Variants in GRAMD1B observed in about 807,000 individuals in gnomAD.
GRAMD1B encodes the protein GRAM domain containing 1B.
In GRAMD1B, 37 loss-of-function variants were observed where a neutral mutation model predicts 99.7. That is an observed-to-expected ratio of 0.37 (90% CI 0.29 to 0.49). GRAMD1B has a LOEUF of 0.49. GRAMD1B is among the 20% of genes least tolerant of loss of function. The pLI is 0.98. For synonymous variants in GRAMD1B, 427 were observed against 387.6 expected (o/e 1.10, Z -1.19); for missense variants, 888 against 1,009.2 (o/e 0.88, Z 1.63).
chr11:123,582,175 A>G lies in GRAMD1B; in HGVS notation c.664-2137A>G, dbSNP rs141079573. Reference sequence around the variant, plus strand: ...CCTACTGCTGGGAGGTGTCTTTTGTAATGAACATCTGCACAGCCTCTTGCC... The same window carrying G: ...CCTACTGCTGGGAGGTGTCTTTTGTGATGAACATCTGCACAGCCTCTTGCC... On this transcript the variant is annotated intron_variant, in intron 3 of 19. Coordinates refer to ENST00000635736, the MANE Select transcript of GRAMD1B (RefSeq NM_001387025.1). Among the ~76,000 whole-genome samples the G allele has an allele frequency of 1.7e-4, 26 of 152,314 alleles. No individual in the cohort carries two copies. The East Asian group carries it at 2.7e-3, about 16-fold the overall frequency.
intron 2 of GRAMD1B, among the ~76,000 whole-genome samples, chr11:123,497,637 T>C (rs1939434389): frequency 6.6e-6 from 1 of 152,144 alleles, no homozygotes; most frequent in African/African-American, 2.4e-5. Context: ...GTGCTGTGGC[T>C]CACGCCTGTA....
intron 2 of GRAMD1B, among the ~76,000 whole-genome samples, chr11:123,555,557 C>T (rs185238011): frequency 6.6e-6 from 1 of 151,988 alleles, no homozygotes; most frequent in African/African-American, 2.4e-5. Flanking sequence ...ACCATGTTGG[C>T]CAGGCTGGTC....
At chr11:123,410,417 C>T (rs1808903407) in intron 1 of GRAMD1B, among the ~76,000 whole-genome samples, 1 of 152,118 alleles carries the variant, frequency 6.6e-6, no homozygotes, top group South Asian at 2.1e-4. Context: ...TTGCCCCAAA[C>T]TCCTGAGAGA....
intron 1 of GRAMD1B, among the ~76,000 whole-genome samples, chr11:123,393,094 A>G (rs61904733): frequency 0.085 from 12,996 of 152,264 alleles, 558 homozygotes; most frequent in African/African-American, 0.1. Context: ...TTTTAGAATA[A>G]TGAAATCATT....
At chr11:123,500,388 T>G (rs1412532651) in intron 2 of GRAMD1B, among the ~76,000 whole-genome samples, 1 of 152,240 alleles carries the variant, frequency 6.6e-6, no homozygotes, top group South Asian at 2.1e-4. Context: ...ACTCAAGAGG[T>G]CCAGTGCGCT....
intron 2 of GRAMD1B, among the ~76,000 whole-genome samples, chr11:123,534,063 C>T (rs1836160558): frequency 6.6e-6 from 1 of 152,234 alleles, no homozygotes; most frequent in Non-Finnish European, 1.5e-5. Context: ...CACCAACGCC[C>T]ATGCAGTCAA....
At chr11:123,525,425 C>T (rs543254123) in intron 2 of GRAMD1B, among the ~76,000 whole-genome samples, 6 of 152,254 alleles carry the variant, frequency 3.9e-5, no homozygotes, top group African/African-American at 1.2e-4. Flanking sequence ...TCCCCTCCCC[C>T]GCAGGGGTGG....
At position 123,381,343 on chromosome 11, in the gene GRAMD1B, T is replaced by G. The variant is rs527567966; in HGVS notation, c.-176+22544T>G. 155 of 154,348 alleles carry G rather than the reference T, an allele frequency of 1.0e-3. 5 individuals are homozygous for G. The South Asian group carries it at 0.029, about 29-fold the overall frequency. 9.6% of individuals were successfully genotyped at this position (154,348 alleles called of 1,614,324 possible). On this transcript the variant is annotated intron_variant, in intron 1 of 20. Coordinates refer to the GRAMD1B transcript ENST00000638157. ...GGTGTGTTTCCCAGGAAAAGGGAAG[T>G]GCTTAATGGCAATCCAATTCTCCCT...
At chr11:123,526,517 C>T (rs541907928) in intron 2 of GRAMD1B, among the ~76,000 whole-genome samples, 5 of 152,270 alleles carry the variant, frequency 3.3e-5, no homozygotes, top group East Asian at 3.9e-4. Context: ...TTCCCTTTGG[C>T]GAGGTGTTGT....
intron 1 of GRAMD1B, among the ~76,000 whole-genome samples, chr11:123,365,031 T>C (rs1307899059): frequency 6.6e-6 from 1 of 152,234 alleles, no homozygotes; most frequent in Admixed American, 6.5e-5. Flanking sequence ...GTATCATGAC[T>C]TATTGCTTAC....
intron 2 of GRAMD1B, among the ~76,000 whole-genome samples, chr11:123,527,054 G>A (rs561977238): frequency 2.0e-5 from 3 of 152,288 alleles, no homozygotes; most frequent in African/African-American, 4.8e-5. Context: ...GAGGAGAAAG[G>A]CTCCTTGGAC....
chr11:123,413,512 A>T (rs976204376), intron 1 of GRAMD1B, among the ~76,000 whole-genome samples: 11 of 149,594 alleles, frequency 7.4e-5, no homozygotes, highest in South Asian at 6.3e-4. Context: ...ATTTGCCCAT[A>T]TTTTTTTTTT....
At chr11:123,603,607 G>A (rs1952285582) in intron 9 of GRAMD1B, 66 bp downstream of exon 9, 1 of 890,686 alleles carries the variant, frequency 1.1e-6, no homozygotes, top group South Asian at 1.3e-5. Flanking sequence ...GAACCTGCCA[G>A]GCAGAGGGAA....
intron 2 of GRAMD1B, among the ~76,000 whole-genome samples, chr11:123,557,387 T>A (rs536703723): frequency 2.0e-5 from 3 of 152,338 alleles, no homozygotes; most frequent in Admixed American, 1.3e-4. Context: ...AACATTTTGG[T>A]GACTGAAGAA....
At chr11:123,499,974 C>A (rs540730863) in intron 2 of GRAMD1B, among the ~76,000 whole-genome samples, 1 of 152,232 alleles carries the variant, frequency 6.6e-6, no homozygotes, top group East Asian at 1.9e-4. Context: ...TCTGTGTTTC[C>A]TTCTTCTGGG....
chr11:123,382,064 T>C (rs1946894995), intron 1 of GRAMD1B, among the ~76,000 whole-genome samples: 1 of 152,142 alleles, frequency 6.6e-6, no homozygotes, highest in Non-Finnish European at 1.5e-5. Context: ...ACTGAGGTGG[T>C]TTCATCTTCC....
At chr11:123,399,608 G>GTATTTATTTATTTATT (rs59870444) in intron 1 of GRAMD1B, among the ~76,000 whole-genome samples, 1 of 150,808 alleles carries the variant, frequency 6.6e-6, no homozygotes, top group Non-Finnish European at 1.5e-5. Context: ...CTTACCTTTT[G>GTATTTATTTATTTATT]TATTTATTTA....
chr11:123,559,350 A>G (rs1229578431), intron 2 of GRAMD1B, among the ~76,000 whole-genome samples: 4 of 152,214 alleles, frequency 2.6e-5, no homozygotes, highest in African/African-American at 9.6e-5. Context: ...CCATGGGTCT[A>G]GAGGCAGGTG....
At chr11:123,543,526 C>T (rs1944754757) in intron 2 of GRAMD1B, among the ~76,000 whole-genome samples, 1 of 152,196 alleles carries the variant, frequency 6.6e-6, no homozygotes, top group South Asian at 2.1e-4. Flanking sequence ...TGTCACATAA[C>T]AGCAAGAAAA....
Sources: gnomAD v4.1 joint callset for allele counts (sites outside exome capture counted in the v4.1 genomes callset) on GRCh38, gnomAD v4.1.1 for gene constraint, MANE v1.5 for transcripts, NCBI Gene and HGNC (gene_info 2026-07-23, HGNC 2026-07-21) for gene names.